Variants in USP3 observed in about 807,000 individuals in gnomAD.
The protein encoded by USP3 is ubiquitin specific peptidase 3.
A neutral mutation model predicts 72.3 loss-of-function variants in USP3; 20 were observed. The observed-to-expected ratio is 0.28, with a 90% CI of 0.19 to 0.40. The LOEUF (loss-of-function observed/expected upper bound fraction) is 0.40. Among genes scored for constraint, USP3 ranks in the 10% least tolerant of loss-of-function variants. The pLI, the probability that USP3 is intolerant of heterozygous loss-of-function variation, is 1.00. For synonymous variants in USP3, 222 were observed against 225.3 expected (o/e 0.99, Z 0.13); for missense variants, 479 against 633.9 (o/e 0.76, Z 2.62).
At chr15:63,533,662 C>T (rs1210808028) in intron 2 of USP3, 3 of 276,808 alleles carry the variant, frequency 1.1e-5, no homozygotes, top group Non-Finnish European at 2.1e-5. Context: ...AAGAGAGCAT[C>T]TTTCTTTGTT....
At chr15:63,538,778 C>T (rs1360798853) in intron 3 of USP3, among the ~76,000 whole-genome samples, 1 of 151,952 alleles carries the variant, frequency 6.6e-6, no homozygotes, top group South Asian at 2.1e-4. Flanking sequence ...AATCTCTTGA[C>T]CTCATGACCC....
chr15:63,576,757 C>T (rs1325891885), intron 11 of USP3, among the ~76,000 whole-genome samples: 2 of 152,194 alleles, frequency 1.3e-5, no homozygotes, highest in Admixed American at 6.5e-5. Flanking sequence ...AATCCTCAGG[C>T]TTGATTTTTA....
intron 1 of USP3, among the ~76,000 whole-genome samples, chr15:63,511,687 T>A (rs2065784609): frequency 6.6e-6 from 1 of 152,210 alleles, no homozygotes; most frequent in African/African-American, 2.4e-5. Flanking sequence ...GTTATTGAAG[T>A]CTCTCCACCC....
Position 63,570,244 on chromosome 15 carries a change from A to G in USP3, c.762-189A>G, listed in dbSNP as rs771961486. Among the ~76,000 whole-genome samples the G allele has an allele frequency of 3.1e-4, 47 of 152,192 alleles. No homozygotes were observed. The highest frequency in any genetic ancestry group is 5.6e-4 in the Non-Finnish European group (38 of 68,028). ...TTTTTTGGTTTTCAAACCTATCTTA[A>G]ACAGTAGAATTCATTCTTGAAGAGA... On this transcript the variant is annotated intron_variant, in intron 8 of 14. Coordinates refer to ENST00000380324, the MANE Select transcript of USP3 (RefSeq NM_006537.4). The surrounding 1 kb of genome is among the most constrained non-coding windows in gnomAD (Gnocchi z 4.4).
chr15:63,584,725 T>C (rs934120833), intron 11 of USP3, among the ~76,000 whole-genome samples: 2 of 152,232 alleles, frequency 1.3e-5, no homozygotes, highest in Non-Finnish European at 2.9e-5. Flanking sequence ...TCTGTGGTTC[T>C]CTTTATAGTA....
intron 1 of USP3, among the ~76,000 whole-genome samples, chr15:63,512,098 G>T (rs2065791051): frequency 6.6e-6 from 1 of 151,670 alleles, no homozygotes; most frequent in African/African-American, 2.4e-5. Flanking sequence ...TGGGATTACA[G>T]ACGCACACCA....
chr15:63,589,918 A>C (rs2067155734), intron 14 of USP3, among the ~76,000 whole-genome samples: 1 of 149,164 alleles, frequency 6.7e-6, no homozygotes, highest in African/African-American at 2.6e-5. Context: ...TTTTTCTGAC[A>C]ACTTTTTCGT....
At chr15:63,577,946 A>C (rs2066892606) in intron 11 of USP3, among the ~76,000 whole-genome samples, 1 of 137,064 alleles carries the variant, frequency 7.3e-6, no homozygotes, top group African/African-American at 2.7e-5. Context: ...AAAAAAAAAA[A>C]GTCCAAATAG....
chr15:63,534,458 A>T (rs1366213832), intron 2 of USP3, among the ~76,000 whole-genome samples: 1 of 152,154 alleles, frequency 6.6e-6, no homozygotes, highest in Non-Finnish European at 1.5e-5. Context: ...TGTGATTGTT[A>T]TTAGAAATTT....
intron 3 of USP3, among the ~76,000 whole-genome samples, chr15:63,540,394 A>G (rs756957901): frequency 2.0e-5 from 3 of 152,236 alleles, no homozygotes; most frequent in Non-Finnish European, 4.4e-5. Context: ...TGCAGATACC[A>G]TATCTCAGAT....
At chr15:63,589,224 AT>A in intron 14 of USP3, 1 of 579,538 alleles carries the variant, frequency 1.7e-6, no homozygotes, top group Non-Finnish European at 3.0e-6. Context: ...AGAATGGTTC[AT>A]TTGAACCCAG....
At chr15:63,581,318 T>A (rs1372638090) in intron 11 of USP3, among the ~76,000 whole-genome samples, 1 of 151,644 alleles carries the variant, frequency 6.6e-6, no homozygotes, top group Non-Finnish European at 1.5e-5. Flanking sequence ...TATTTCCATG[T>A]GTTTATATGT....
At chr15:63,542,647 AT>A (rs1341508678) in intron 3 of USP3, among the ~76,000 whole-genome samples, 1 of 152,126 alleles carries the variant, frequency 6.6e-6, no homozygotes, top group African/African-American at 2.4e-5. Context: ...ATAAATAGCC[AT>A]TTCTCGTTTT....
At chr15:63,572,833 A>C (rs1488446534) in intron 9 of USP3, among the ~76,000 whole-genome samples, 1 of 152,244 alleles carries the variant, frequency 6.6e-6, no homozygotes, top group East Asian at 1.9e-4. Flanking sequence ...GATAGCAAAC[A>C]ATTGAAAGAG....
In USP3 at chr15:63,559,917, G is replaced by GA; in HGVS notation, c.598dup (p.Thr200AsnfsTer15). 6.2e-7 allele frequency: 1 copy of GA among 1,614,104 alleles called. No homozygotes were observed. The highest frequency in any genetic ancestry group is 8.5e-7 in the Non-Finnish European group (1 of 1,179,982). On this transcript the variant is annotated frameshift_variant, in exon 7 of 15. Transcript: ENST00000380324. LOFTEE classifies it high-confidence loss of function. ...TGCCCGCCGTGGAGTTAAGGAATGG[G>GA]AAAACAGCAGGAAGGCGGACATACC... is the stretch of plus-strand genomic sequence containing the variant.
At position 63,512,633 on chromosome 15, in the gene USP3, C is replaced by T. The variant is rs566458411; in HGVS notation, c.91+7803C>T. 2.1e-4 allele frequency among the ~76,000 whole-genome samples: 32 copies of T among 151,888 alleles called. 1 individual carries two copies. The highest frequency in any genetic ancestry group is 3.4e-3 in the Middle Eastern group (1 of 294). On this transcript the variant is annotated intron_variant, in intron 1 of 14. Transcript: ENST00000380324. ...CTAATTTTTGTGTTTTTAGTAGAGACGGGGTTTCACTGTGTTGGCCAGGCT... is the reference window on the plus strand; with the variant it reads ...CTAATTTTTGTGTTTTTAGTAGAGATGGGGTTTCACTGTGTTGGCCAGGCT...
Position 63,593,436 on chromosome 15 carries a change from A to C in USP3, c.*2610A>C, listed in dbSNP as rs1248267107. The C allele has an allele frequency of 6.6e-6, 1 of 152,230 alleles. No individual in the cohort carries two copies. Among genetic ancestry groups the C allele is most frequent in the Non-Finnish European group, 1.5e-5 (1 of 68,050 alleles). 9.4% of individuals were successfully genotyped at this position (152,230 alleles called of 1,614,324 possible). A position where few individuals can be genotyped will look rare whatever the true frequency, so the allele number is the denominator to read the frequency against. On this transcript the variant is annotated 3_prime_UTR_variant, in exon 15 of 15. Coordinates refer to ENST00000380324, the MANE Select transcript of USP3 (RefSeq NM_006537.4). ...GTCTCTCTGAATGGGCAGCTGTTAA[A>C]CAGTAAAGGCCTGGGCAGAGTTGAT...
intron 8 of USP3, among the ~76,000 whole-genome samples, chr15:63,568,132 A>G (rs1595757319): frequency 6.6e-6 from 1 of 152,086 alleles, no homozygotes; most frequent in Non-Finnish European, 1.5e-5. Flanking sequence ...AGGCGGGCGG[A>G]TCACGAGTCA....
intron 3 of USP3, among the ~76,000 whole-genome samples, chr15:63,542,545 A>G (rs954515251): frequency 2.6e-5 from 4 of 152,056 alleles, no homozygotes; most frequent in Non-Finnish European, 5.9e-5. Flanking sequence ...TATAATTACC[A>G]AGTAGAGTTA....
Sources: allele counts gnomAD v4.1 joint callset (sites outside exome capture counted in the v4.1 genomes callset), GRCh38; gene constraint gnomAD v4.1.1; non-coding constraint Gnocchi (gnomAD v3.1); transcripts MANE v1.5; gene names NCBI Gene and HGNC (gene_info 2026-07-23, HGNC 2026-07-21).